The following BEND4 variants were observed in gnomAD, a reference collection of about 807,000 sequenced individuals.
BEND4 encodes BEN domain containing 4.
A neutral mutation model predicts 54.7 loss-of-function variants in BEND4; 27 were observed. The observed-to-expected ratio is 0.49, with a 90% CI of 0.36 to 0.68. BEND4 has a LOEUF of 0.68. Among genes scored for constraint, BEND4 ranks in the 30% least tolerant of loss-of-function variants. The pLI, the probability that BEND4 is intolerant of heterozygous loss-of-function variation, is 0.00. For missense variants in BEND4, 702 were observed against 697.2 expected (o/e 1.01, Z -0.08); for synonymous variants, 327 against 299.5 (o/e 1.09, Z -0.95).
At chr4:42,131,842 T>G (rs745514877) in intron 3 of BEND4, among the ~76,000 whole-genome samples, 7 of 151,576 alleles carry the variant, frequency 4.6e-5, no homozygotes, top group Non-Finnish European at 8.8e-5. Flanking sequence ...AGTGCCTCCC[T>G]TCACCAAATG....
chr4:42,111,176 T>C lies in BEND4; in HGVS notation c.*6342A>G, dbSNP rs1043539330. 1 of 152,230 alleles carries C rather than the reference T, an allele frequency of 6.6e-6. No homozygotes were observed. The highest frequency in any genetic ancestry group is 6.5e-5 in the Admixed American group (1 of 15,288). The allele number at this position is 152,230 out of a possible 1,614,324, so 9.4% of individuals were successfully genotyped here. Reference sequence around the variant, plus strand: ...AAACAACTTACTCTTCTATATAAATTGTTCACAAAAAAATCTTGCTATTCT... The same window carrying C: ...AAACAACTTACTCTTCTATATAAATCGTTCACAAAAAAATCTTGCTATTCT... On this transcript the variant is annotated 3_prime_UTR_variant, in exon 6 of 6. Coordinates refer to ENST00000502486, the MANE Select transcript of BEND4 (RefSeq NM_207406.4).
At chr4:42,118,727 C>T (rs546887238) in intron 5 of BEND4, among the ~76,000 whole-genome samples, 1 of 152,328 alleles carries the variant, frequency 6.6e-6, no homozygotes, top group Non-Finnish European at 1.5e-5. Flanking sequence ...CCCTTGAGTA[C>T]ACACAGACAG....
chr4:42,133,005 A>G (rs1040045545), intron 3 of BEND4, among the ~76,000 whole-genome samples: 1 of 152,250 alleles, frequency 6.6e-6, no homozygotes, highest in African/African-American at 2.4e-5. Flanking sequence ...ACAAAATCTC[A>G]AAATGCATCT....
chr4:42,117,499 A>G lies in BEND4; in HGVS notation c.*19T>C. The G allele has an allele frequency of 6.4e-7, 1 of 1,568,686 alleles. No individual in the cohort carries two copies. The highest frequency in any genetic ancestry group is 8.7e-7 in the Non-Finnish European group (1 of 1,145,838). On this transcript the variant is annotated 3_prime_UTR_variant, in exon 6 of 6. Transcript: ENST00000502486. ...AACTCTTGAGAGGACCAGCTGCTAC[A>G]ACAGGAAGATTCTGTCCACTAATCC...
intron 4 of BEND4, among the ~76,000 whole-genome samples, chr4:42,123,694 G>GAAAAAAAAAAACAAAAAAAAAAAAAAA (rs1553921966): frequency 2.8e-4 from 14 of 50,800 alleles, no homozygotes; most frequent in Non-Finnish European, 5.1e-4. Flanking sequence ...CTGTAATTCA[G>GAAAAAAAAAAACAAAAAAAAAAAAAAA]AAAAAAAAAA....
intron 2 of BEND4, among the ~76,000 whole-genome samples, chr4:42,144,339 G>C (rs1194087263): frequency 6.6e-6 from 1 of 152,112 alleles, no homozygotes; most frequent in Non-Finnish European, 1.5e-5. Context: ...CTAAGGAATC[G>C]AGCCAGCCAC....
intron 4 of BEND4, among the ~76,000 whole-genome samples, chr4:42,125,129 G>A (rs1283459226): frequency 6.6e-6 from 1 of 152,166 alleles, no homozygotes; most frequent in Non-Finnish European, 1.5e-5. Context: ...GAGAGACTGT[G>A]GTTTCTTCCA....
At chr4:42,147,229 T>C (rs1652209098) in intron 2 of BEND4, among the ~76,000 whole-genome samples, 1 of 152,164 alleles carries the variant, frequency 6.6e-6, no homozygotes, top group Admixed American at 6.5e-5. Flanking sequence ...TTAACATTGA[T>C]ACATGGAAGA....
intron 3 of BEND4, among the ~76,000 whole-genome samples, chr4:42,138,116 G>C (rs1245979919): frequency 6.6e-6 from 1 of 152,172 alleles, no homozygotes; most frequent in Non-Finnish European, 1.5e-5. Flanking sequence ...TCAACATCTT[G>C]TAAAGATGTC....
At chr4:42,127,694 G>C (rs748439837) in intron 3 of BEND4, among the ~76,000 whole-genome samples, 3 of 152,170 alleles carry the variant, frequency 2.0e-5, no homozygotes, top group Admixed American at 2.0e-4. Context: ...GCAGCATTCT[G>C]TTCTTCACAG....
At position 42,113,539 on chromosome 4, in the gene BEND4, T is replaced by C. The variant is rs1719660753; in HGVS notation, c.*3979A>G. 6.6e-6 allele frequency: 1 copy of C among 152,180 alleles called. No homozygotes were observed. The highest frequency in any genetic ancestry group is 2.4e-5 in the African/African-American group (1 of 41,446). 9.4% of individuals were successfully genotyped at this position (152,180 alleles called of 1,614,324 possible). On this transcript the variant is annotated 3_prime_UTR_variant, in exon 6 of 6. Transcript: ENST00000502486. Reference sequence around the variant, plus strand: ...GAGCGGCAGGGGAATGTAGGAATCATAAACCTACAGATTCGAAGTCTGGGT... The same window carrying C: ...GAGCGGCAGGGGAATGTAGGAATCACAAACCTACAGATTCGAAGTCTGGGT...
chr4:42,122,677 T>C (rs954326531), intron 4 of BEND4, among the ~76,000 whole-genome samples: 3 of 152,200 alleles, frequency 2.0e-5, no homozygotes, highest in African/African-American at 4.8e-5. Context: ...TTAGTTATGG[T>C]CCCTGTAAAT....
intron 2 of BEND4, among the ~76,000 whole-genome samples, chr4:42,147,016 ATAC>A (rs1361368062): frequency 1.3e-5 from 2 of 152,214 alleles, no homozygotes; most frequent in African/African-American, 2.4e-5. Flanking sequence ...ATTATGTAAT[ATAC>A]TACATTATGA....
At chr4:42,127,522 A>G (rs993980701) in intron 3 of BEND4, among the ~76,000 whole-genome samples, 2 of 152,236 alleles carry the variant, frequency 1.3e-5, no homozygotes, top group Non-Finnish European at 2.9e-5. Flanking sequence ...GACACTGAGC[A>G]TTAATTGCTG....
At chr4:42,145,411 A>C (rs1721041205) in intron 2 of BEND4, among the ~76,000 whole-genome samples, 1 of 152,110 alleles carries the variant, frequency 6.6e-6, no homozygotes, top group South Asian at 2.1e-4. Context: ...TACATGTAAA[A>C]CAGCTGGGTG....
rs879798308 is a variant in BEND4 at position 42,141,911 on chromosome 4, AT to A, written c.1054+1516del. ...TATATTTGTGGGCACAAGCTTAAAC[AT>A]TTTTTTTTTTGAGACCCAGTCTCCC... On this transcript the variant is annotated intron_variant, in intron 3 of 5. Transcript: ENST00000502486. Among the ~76,000 whole-genome samples, 659 of 147,426 alleles carry A rather than the reference AT, an allele frequency of 4.5e-3. 3 individuals are homozygous for A. Among genetic ancestry groups the A allele is most frequent in the Non-Finnish European group, 6.5e-3 (433 of 66,346 alleles).
intron 2 of BEND4, among the ~76,000 whole-genome samples, chr4:42,147,783 C>T (rs201262547): frequency 1.3e-5 from 2 of 151,978 alleles, no homozygotes; most frequent in Non-Finnish European, 1.5e-5. Flanking sequence ...TTGGGAAATT[C>T]GTCTGAATTT....
chr4:42,128,691 G>T (rs192901955), intron 3 of BEND4, among the ~76,000 whole-genome samples: 1 of 151,874 alleles, frequency 6.6e-6, no homozygotes. Context: ...GAAATAATGG[G>T]TATTCAAGGC....
rs755540046 is a variant in BEND4, at chr4:42,117,448, G to A, written c.*70C>T. 9.1e-7 allele frequency: 1 copy of A among 1,096,428 alleles called. No homozygotes were observed. The highest frequency in any genetic ancestry group is 1.3e-6 in the Non-Finnish European group (1 of 747,936). 67.9% of individuals were successfully genotyped at this position (1,096,428 alleles called of 1,614,324 possible). On this transcript the variant is annotated 3_prime_UTR_variant, in exon 6 of 6. Transcript: ENST00000502486. ...AATGACAGGCTTTGGACTCTCAGGT[G>A]ACAGGAACAGGACATTCACAATTGG...
Sources: gnomAD v4.1 joint callset for allele counts (sites outside exome capture counted in the v4.1 genomes callset) on GRCh38, gnomAD v4.1.1 for gene constraint, MANE v1.5 for transcripts, NCBI Gene and HGNC (gene_info 2026-07-23, HGNC 2026-07-21) for gene names.